Variants in WIF1 observed in about 807,000 individuals in gnomAD.
The protein encoded by WIF1 is Wnt inhibitory factor 1.
WIF1 carries 35 observed loss-of-function variants against 53.5 expected under a neutral mutation model. That is an observed-to-expected ratio of 0.65 (90% CI 0.50 to 0.87). WIF1 has a LOEUF of 0.87. Among genes scored for constraint, WIF1 ranks in the 40% least tolerant of loss-of-function variants. The probability of loss-of-function intolerance (pLI) is 0.00; values close to 1 mark genes in which losing one functional copy is unlikely to be tolerated. For missense variants in WIF1, 467 were observed against 476.8 expected, an observed-to-expected ratio of 0.98 and a Z score of 0.19; for synonymous variants, 171 against 170.4, an observed-to-expected ratio of 1.00 and a Z score of -0.03.
chr12:65,052,259 A>T (rs1882452208), intron 9 of WIF1, among the ~76,000 whole-genome samples: 1 of 152,214 alleles, frequency 6.6e-6, no homozygotes, highest in African/African-American at 2.4e-5. Context: ...TTGTGTTTTT[A>T]AATGCAAACA....
At position 65,068,904 on chromosome 12, in the gene WIF1, A is replaced by G. The variant is rs752441968; in HGVS notation, c.398T>C (p.Val133Ala). Residue 133 changes from valine to alanine, a missense_variant and splice_region_variant, in exon 4 of 10, where the codon GTT becomes GCT. Transcript: ENST00000286574. ...LLGTVPHKAS[V>A]VQVGFPCLGK... ...AAGACATGGGAAACCAACTTGAACA[A>G]CTAAAAGAAAAAAAGAGAAAGTGTG... 3.1e-6 allele frequency: 5 copies of G among 1,610,886 alleles called. No individual in the cohort carries two copies. In the East Asian group the frequency reaches 1.1e-4, roughly 36 times the overall value.
chr12:65,109,355 C>T (rs977538098), intron 2 of WIF1, among the ~76,000 whole-genome samples: 13 of 152,140 alleles, frequency 8.5e-5, no homozygotes, highest in Non-Finnish European at 1.5e-4. Flanking sequence ...GGCATTATGG[C>T]CTATATGAAG....
chr12:65,058,858 T>C (rs764644331), intron 7 of WIF1, among the ~76,000 whole-genome samples: 23 of 152,146 alleles, frequency 1.5e-4, no homozygotes, highest in Non-Finnish European at 2.4e-4. Context: ...AAGACTAGCC[T>C]GGCCAATATG....
chr12:65,069,010 C>T (rs764098724), intron 3 of WIF1, 106 bp from the exon 4 acceptor site: 6 of 1,265,808 alleles, frequency 4.7e-6, no homozygotes, highest in Non-Finnish European at 5.4e-6. Flanking sequence ...AAAATGTTCA[C>T]ATGTTGTGGA....
intron 9 of WIF1, among the ~76,000 whole-genome samples, chr12:65,051,697 T>C (rs1243366508): frequency 1.3e-5 from 2 of 152,208 alleles, no homozygotes; most frequent in African/African-American, 4.8e-5. Flanking sequence ...CTATATATTC[T>C]GGCCATGCAG....
At chr12:65,121,010 A>C in intron 1 of WIF1, 34 bp downstream of exon 1, 2 of 1,430,740 alleles carry the variant, frequency 1.4e-6, no homozygotes, top group Non-Finnish European at 1.8e-6. Flanking sequence ...AGGAGGACAT[A>C]GGCAGGGGAA....
At chr12:65,116,468 T>A (rs1397612268) in intron 2 of WIF1, among the ~76,000 whole-genome samples, 1 of 152,048 alleles carries the variant, frequency 6.6e-6, no homozygotes, top group Non-Finnish European at 1.5e-5. Flanking sequence ...CACCCTCAGA[T>A]GGGACCATCT....
chr12:65,117,045 C>T (rs557820940), intron 2 of WIF1, among the ~76,000 whole-genome samples: 23 of 151,980 alleles, frequency 1.5e-4, no homozygotes, highest in Middle Eastern at 6.8e-3. Flanking sequence ...AGACTCTTCC[C>T]ATGGCCCCAA....
chr12:65,070,113 C>T (rs1383083519), intron 3 of WIF1, among the ~76,000 whole-genome samples: 1 of 152,118 alleles, frequency 6.6e-6, no homozygotes, highest in East Asian at 1.9e-4. Flanking sequence ...CTGGACTGCC[C>T]TTTTCTGTAA....
At chr12:65,068,200 G>C (rs937178797) in intron 4 of WIF1, among the ~76,000 whole-genome samples, 1 of 152,122 alleles carries the variant, frequency 6.6e-6, no homozygotes, top group South Asian at 2.1e-4. Context: ...AGCTAGAAAA[G>C]CTTGTATAGG....
intron 9 of WIF1, among the ~76,000 whole-genome samples, chr12:65,053,377 C>T (rs564113069): frequency 5.9e-5 from 9 of 152,204 alleles, no homozygotes; most frequent in African/African-American, 2.2e-4. Flanking sequence ...CCCCATAATC[C>T]CCGTGTGTCA....
intron 2 of WIF1, chr12:65,083,899 C>T (rs1237447616): frequency 1.2e-5 from 4 of 321,690 alleles, no homozygotes; most frequent in Non-Finnish European, 2.4e-5. Flanking sequence ...GATGCAGTAG[C>T]ACGATCATGG....
chr12:65,119,327 C>T (rs12228968), intron 2 of WIF1, among the ~76,000 whole-genome samples: 12,356 of 152,074 alleles, frequency 0.081, 859 homozygotes, highest in East Asian at 0.36. Flanking sequence ...TCCAAAACCT[C>T]AATTTTTTTT....
At chr12:65,067,211 C>A (rs1317485854) in intron 5 of WIF1, among the ~76,000 whole-genome samples, 1 of 152,038 alleles carries the variant, frequency 6.6e-6, no homozygotes, top group Non-Finnish European at 1.5e-5. Flanking sequence ...GTCAGATAAG[C>A]TCTTAGTATT....
At chr12:65,115,639 A>G (rs1883497544) in intron 2 of WIF1, among the ~76,000 whole-genome samples, 1 of 152,240 alleles carries the variant, frequency 6.6e-6, no homozygotes, top group Non-Finnish European at 1.5e-5. Context: ...AGTATTTTCC[A>G]TTAATTACTA....
At chr12:65,099,615 A>C (rs1396976603) in intron 2 of WIF1, among the ~76,000 whole-genome samples, 1 of 152,186 alleles carries the variant, frequency 6.6e-6, no homozygotes. Flanking sequence ...CTGCTGGTTC[A>C]AGTGAAGCCA....
At chr12:65,097,089 A>G (rs759734953) in intron 2 of WIF1, among the ~76,000 whole-genome samples, 1 of 151,958 alleles carries the variant, frequency 6.6e-6, no homozygotes, top group African/African-American at 2.4e-5. Context: ...AGGCTGATGT[A>G]ATCTGATTCA....
chr12:65,057,710 C>A (rs977306460), intron 7 of WIF1, among the ~76,000 whole-genome samples: 3 of 152,090 alleles, frequency 2.0e-5, no homozygotes, highest in African/African-American at 7.2e-5. Context: ...AAAATTTATC[C>A]TAAACCAACC....
intron 2 of WIF1, among the ~76,000 whole-genome samples, chr12:65,100,264 T>C (rs1358702747): frequency 6.6e-6 from 1 of 152,204 alleles, no homozygotes; most frequent in Non-Finnish European, 1.5e-5. Context: ...GTCATGCCCA[T>C]GCAAAGCCTC....
Sources: allele counts gnomAD v4.1 joint callset (sites outside exome capture counted in the v4.1 genomes callset), GRCh38; gene constraint gnomAD v4.1.1; transcripts MANE v1.5; gene names NCBI Gene and HGNC (gene_info 2026-07-23, HGNC 2026-07-21).